SDE2: variants seen among roughly 807,000 people sequenced by gnomAD.
The protein encoded by SDE2 is splicing regulator SDE2.
A neutral mutation model predicts 46.9 loss-of-function variants in SDE2; 31 were observed. The observed-to-expected ratio is 0.66, with a 90% CI of 0.50 to 0.89. The LOEUF (loss-of-function observed/expected upper bound fraction) is 0.89. Ranked by LOEUF, SDE2 falls within the 40% of genes least tolerant of loss-of-function variation. The pLI is 0.00. For synonymous variants in SDE2, 205 were observed against 204.3 expected, an observed-to-expected ratio of 1.00 and a Z score of -0.03; for missense variants, 542 against 564.4, an observed-to-expected ratio of 0.96 and a Z score of 0.40.
At chr1:225,997,858 G>A (rs949458920) in intron 1 of SDE2, among the ~76,000 whole-genome samples, 1 of 152,176 alleles carries the variant, frequency 6.6e-6, no homozygotes, top group African/African-American at 2.4e-5. Context: ...AGGCCGGGAG[G>A]AGTGGCTCAA....
rs377596622 is a variant in SDE2 at position 225,987,931 on chromosome 1, C to T, written c.1099G>A (p.Val367Ile). The change falls in exon 6 of 7, where the codon GTT becomes ATT. Residue 367 changes from valine to isoleucine, a missense_variant. Physicochemically the swap from Val to Ile is conservative, Grantham distance 29. This residue lies in a region of SDE2 where 401 missense variants were observed against 437.8 expected (regional missense o/e 0.92). Transcript: ENST00000272091. ...VAPEERENVA[V>I]AKLQESQPGN... Reference sequence around the variant, plus strand: ...GGCTGGCTTTCCTGCAGTTTGGCAACGGCAACGTTTTCCCTTTCTTCAGGT... The same window carrying T: ...GGCTGGCTTTCCTGCAGTTTGGCAATGGCAACGTTTTCCCTTTCTTCAGGT... 6.5e-5 allele frequency: 105 copies of T among 1,612,666 alleles called. No homozygotes were observed. Among genetic ancestry groups the T allele is most frequent in the African/African-American group, 2.8e-4 (21 of 74,908 alleles).
At chr1:225,998,151 A>G (rs1656574800) in intron 1 of SDE2, among the ~76,000 whole-genome samples, 1 of 152,184 alleles carries the variant, frequency 6.6e-6, no homozygotes, top group African/African-American at 2.4e-5. Flanking sequence ...GGGAGAAAAG[A>G]ACACTGTACT....
intron 2 of SDE2, among the ~76,000 whole-genome samples, chr1:225,993,539 G>A (rs1390143011): frequency 6.6e-6 from 1 of 151,890 alleles, no homozygotes; most frequent in African/African-American, 2.4e-5. Context: ...GTGAACCCAG[G>A]AGGCAGAGCT....
At position 225,985,496 on chromosome 1, in the gene SDE2, A is replaced by T; in HGVS notation, c.1162T>A (p.Leu388Met). 2.5e-6 allele frequency: 4 copies of T among 1,613,084 alleles called. No individual in the cohort carries two copies. In the South Asian group the frequency reaches 4.4e-5, roughly 18 times the overall value. ...AGTTCTGCAACAGAGGTGAACGCCA[A>T]TAAATCTATAGTTTCCTTATCAATA... ...AVIDKETIDL[L>M]AFTSVAELEL... The change falls in exon 7 of 7, where the codon TTG becomes ATG. Residue 388 changes from leucine to methionine, a missense_variant. Leu to Met is a conservative substitution (Grantham distance 15). Around this residue, in one of 3 missense-constraint regions of SDE2, gnomAD observed 401 missense variants for 437.8 expected, o/e 0.92. Coordinates refer to ENST00000272091, the MANE Select transcript of SDE2 (RefSeq NM_152608.4).
chr1:225,985,525 T>C lies in SDE2; in HGVS notation c.1135-2A>G, dbSNP rs1193985600. ...ATCTATAGTTTCCTTATCAATAACC[T>C]GAGGGAAAAAAATAAGAAAATATTT... On this transcript the variant is annotated splice_acceptor_variant, in intron 6 of 6. Transcript: ENST00000272091. LOFTEE classifies it high-confidence loss of function. 13 of 1,581,226 alleles carry C rather than the reference T, an allele frequency of 8.2e-6. No individual in the cohort carries two copies. Among genetic ancestry groups the C allele is most frequent in the Non-Finnish European group, 1.0e-5 (12 of 1,151,986 alleles).
chr1:225,994,695 CTCTT>C (rs1348227726), intron 2 of SDE2, among the ~76,000 whole-genome samples: 1 of 152,128 alleles, frequency 6.6e-6, no homozygotes, highest in African/African-American at 2.4e-5. Context: ...AGAAAAAAAA[CTCTT>C]TATTCAGCAA....
At chr1:225,997,312 G>A (rs181681357) in intron 1 of SDE2, among the ~76,000 whole-genome samples, 102 of 152,256 alleles carry the variant, frequency 6.7e-4, no homozygotes, top group African/African-American at 2.4e-3. Context: ...AAACATAGGT[G>A]TGAACTTGAG....
intron 2 of SDE2, among the ~76,000 whole-genome samples, chr1:225,994,993 G>A (rs986343027): frequency 1.3e-4 from 20 of 152,114 alleles, no homozygotes; most frequent in African/African-American, 2.7e-4. Context: ...GCAGTGAGCC[G>A]TGATCGTACC....
At position 225,984,100 on chromosome 1, in the gene SDE2, AG is replaced by A. The variant is rs1656215697; in HGVS notation, c.*1201del. The stretch of plus-strand genomic sequence containing the variant: ...CATCTCTACTAAAAATACAAAAATC[AG>A]CCAGGTATGGTGGCTGGAGCCTGTA... On this transcript the variant is annotated 3_prime_UTR_variant, in exon 7 of 7. Coordinates refer to ENST00000272091, the MANE Select transcript of SDE2 (RefSeq NM_152608.4). 2 of 152,126 alleles carry A rather than the reference AG, an allele frequency of 1.3e-5. No individual in the cohort carries two copies. 9.4% of individuals were successfully genotyped at this position (152,126 alleles called of 1,614,324 possible).
At chr1:225,989,660 G>A (rs1371466184) in intron 5 of SDE2, among the ~76,000 whole-genome samples, 7 of 151,256 alleles carry the variant, frequency 4.6e-5, no homozygotes, top group South Asian at 2.1e-4. Context: ...AAAATTATTC[G>A]GTGCCGCCCC....
intron 5 of SDE2, among the ~76,000 whole-genome samples, chr1:225,989,304 A>ATAAT (rs1489143764): frequency 4.1e-5 from 6 of 146,456 alleles, no homozygotes; most frequent in African/African-American, 1.0e-4. Context: ...AAAAAAAAAA[A>ATAAT]AAAAATAATA....
chr1:225,985,031 C>G lies in SDE2; in HGVS notation c.*271G>C, dbSNP rs571018611. On this transcript the variant is annotated 3_prime_UTR_variant, in exon 7 of 7. Coordinates refer to ENST00000272091, the MANE Select transcript of SDE2 (RefSeq NM_152608.4). Reference sequence around the variant, plus strand: ...AAAGGATAGATTTCTTGGATAGATTCATTACCTAAATGACACCAAGATCAA... The same window carrying G: ...AAAGGATAGATTTCTTGGATAGATTGATTACCTAAATGACACCAAGATCAA... 5.5e-4 allele frequency: 223 copies of G among 405,790 alleles called. 5 individuals are homozygous for G. The highest frequency in any genetic ancestry group is 1.5e-4 in the Non-Finnish European group (35 of 226,480). 25.1% of individuals were successfully genotyped at this position (405,790 alleles called of 1,614,324 possible).
In SDE2 at chr1:225,988,411, T is replaced by C. The variant is rs751847793; in HGVS notation, c.642-23A>G. 5 of 1,611,242 alleles carry C rather than the reference T, an allele frequency of 3.1e-6. No individual in the cohort carries two copies. The African/African-American group carries it at 5.4e-5, about 17-fold the overall frequency. ...AACCTGTCAGAAGCAACAGAAAGGT[T>C]TAACAGCGTTTGTAGCTTCTATTTA... On this transcript the variant is annotated intron_variant, in intron 5 of 6. Transcript: ENST00000272091.
chr1:225,997,710 CG>C (rs1656560661), intron 1 of SDE2, among the ~76,000 whole-genome samples: 1 of 152,166 alleles, frequency 6.6e-6, no homozygotes, highest in Admixed American at 6.5e-5. Flanking sequence ...GAATTACAGG[CG>C]TGAGCCACCA....
chr1:225,994,947 G>T (rs1169321507), intron 2 of SDE2, among the ~76,000 whole-genome samples: 2 of 152,218 alleles, frequency 1.3e-5, no homozygotes, highest in Non-Finnish European at 2.9e-5. Context: ...GGGAAACTGA[G>T]GTGGGAGTAT....
At position 225,999,271 on chromosome 1, in the gene SDE2, G is replaced by A; in HGVS notation, c.42C>T (p.Gly14=). 1 of 1,612,798 alleles carries A rather than the reference G, an allele frequency of 6.2e-7. No individual in the cohort carries two copies. The highest frequency in any genetic ancestry group is 8.5e-7 in the Non-Finnish European group (1 of 1,179,618). Residue 14 remains glycine (G), a synonymous_variant, in exon 1 of 7, where the codon GGC becomes GGT. Transcript: ENST00000272091. ...CACACCGCACCGCCTTGCACCCGAA[G>A]CCAGGGCCGCGAATCCACACCAGCG... is the stretch of plus-strand genomic sequence containing the variant. ...AAALVWIRGP[G]FGCKAVRCAS...
rs1398044055 is a variant in SDE2 at position 225,983,334 on chromosome 1, A to T, written c.*1968T>A. ...ATAATGATAAAATGGTCAATACATT[A>T]GGAAGACATAAGTTATTAGAGCTTC... On this transcript the variant is annotated 3_prime_UTR_variant, in exon 7 of 7. Transcript: ENST00000272091. The T allele has an allele frequency of 2.6e-5, 4 of 152,234 alleles. No homozygotes were observed. The highest frequency in any genetic ancestry group is 9.6e-5 in the African/African-American group (4 of 41,464). The allele number at this position is 152,234 out of a possible 1,614,324, so 9.4% of individuals were successfully genotyped here. A position where few individuals can be genotyped will look rare whatever the true frequency, so the allele number is the denominator to read the frequency against.
At chr1:225,985,575 AAG>A (rs770487507) in intron 6 of SDE2, 52 bp from the exon 7 acceptor site, 43 of 1,153,934 alleles carry the variant, frequency 3.7e-5, no homozygotes, top group Admixed American at 2.0e-4. Context: ...CCTCTGAATA[AAG>A]ACTCTTTAAC....
intron 5 of SDE2, among the ~76,000 whole-genome samples, chr1:225,990,906 C>G (rs909839083): frequency 2.9e-4 from 12 of 41,370 alleles, no homozygotes; most frequent in African/African-American, 6.9e-4. Context: ...TGTGAAAAAC[C>G]ACAGACAACC....
Sources: gnomAD v4.1 joint callset for allele counts (sites outside exome capture counted in the v4.1 genomes callset) on GRCh38, gnomAD v4.1.1 for gene constraint, gnomAD v4.1.1 regional missense constraint, MANE v1.5 for transcripts, NCBI Gene and HGNC (gene_info 2026-07-23, HGNC 2026-07-21) for gene names.